Variants in KCNJ6 observed in about 807,000 individuals in gnomAD.
KCNJ6 encodes G protein-activated inward rectifier potassium channel 2.
In KCNJ6, 9 loss-of-function variants were observed where a neutral mutation model predicts 34.2. The observed-to-expected ratio is 0.26, with a 90% CI of 0.16 to 0.46. The LOEUF (loss-of-function observed/expected upper bound fraction) is 0.46, where lower values mean the gene tolerates loss of function less well. Ranked by LOEUF, KCNJ6 falls within the 20% of genes least tolerant of loss-of-function variation. KCNJ6 has a pLI of 1.00. For synonymous variants in KCNJ6, 196 were observed against 207.1 expected (o/e 0.95, Z 0.46); for missense variants, 236 against 531.3 (o/e 0.44, Z 5.46).
rs1188057945 is a variant in KCNJ6, at chr21:37,633,858, C to T, written c.947-8374G>A. On this transcript the variant is annotated intron_variant, in intron 3 of 3. Transcript: ENST00000609713. ...GTTCATGGATAGGATGATTAAACAT[C>T]CTAAAGATGTCAGTTTTTCCCAAGT... Among the ~76,000 whole-genome samples, 3 of 151,958 alleles carry T rather than the reference C, an allele frequency of 2.0e-5. No individual in the cohort carries two copies. In the East Asian group the frequency reaches 5.8e-4, roughly 29 times the overall value.
chr21:37,775,454 G>T (rs1468163708), intron 2 of KCNJ6, among the ~76,000 whole-genome samples: 1 of 152,124 alleles, frequency 6.6e-6, no homozygotes, highest in Non-Finnish European at 1.5e-5. Context: ...GTATTGCCTA[G>T]GTTTTCTTCT....
chr21:37,756,069 A>G (rs2055023017), intron 2 of KCNJ6, among the ~76,000 whole-genome samples: 1 of 152,196 alleles, frequency 6.6e-6, no homozygotes, highest in Non-Finnish European at 1.5e-5. Context: ...GGACGCTGAC[A>G]CAGCACCCTC....
At chr21:37,687,641 G>A (rs987420394) in intron 3 of KCNJ6, among the ~76,000 whole-genome samples, 6 of 152,136 alleles carry the variant, frequency 3.9e-5, no homozygotes, top group African/African-American at 1.4e-4. Flanking sequence ...CAATGTGCCT[G>A]TTTTATAGCA....
At chr21:37,882,042 G>A (rs369607857) in intron 1 of KCNJ6, among the ~76,000 whole-genome samples, 54 of 152,316 alleles carry the variant, frequency 3.5e-4, no homozygotes, top group African/African-American at 1.3e-3. Flanking sequence ...CCAAGCAGGG[G>A]CTGGCAGTTT....
chr21:37,747,042 G>A (rs79357737), intron 2 of KCNJ6, among the ~76,000 whole-genome samples: 3,551 of 152,238 alleles, frequency 0.023, 127 homozygotes, highest in African/African-American at 0.08. Context: ...AGCACTGTGT[G>A]AGCCCTGCTG....
At chr21:37,634,333 C>T (rs956090433) in intron 3 of KCNJ6, among the ~76,000 whole-genome samples, 4 of 152,110 alleles carry the variant, frequency 2.6e-5, no homozygotes, top group Non-Finnish European at 5.9e-5. Context: ...GCCATGTGAG[C>T]GTCATGCACC....
chr21:37,769,453 T>A (rs1227954917), intron 2 of KCNJ6, among the ~76,000 whole-genome samples: 3 of 150,710 alleles, frequency 2.0e-5, no homozygotes, highest in Non-Finnish European at 3.0e-5. Context: ...TTACTATATT[T>A]TTTTAGTAGC....
intron 3 of KCNJ6, among the ~76,000 whole-genome samples, chr21:37,643,256 G>A (rs1394977020): frequency 6.6e-6 from 1 of 152,112 alleles, no homozygotes; most frequent in African/African-American, 2.4e-5. Context: ...GCAGTCAAGT[G>A]GAAAAAACAG....
chr21:37,879,981 TG>T (rs1053474704), intron 1 of KCNJ6, among the ~76,000 whole-genome samples: 1 of 151,848 alleles, frequency 6.6e-6, no homozygotes, highest in Non-Finnish European at 1.5e-5. Flanking sequence ...AAATGTTGGC[TG>T]GGCATGGTGG....
chr21:37,667,954 T>C (rs11701030), intron 3 of KCNJ6, among the ~76,000 whole-genome samples: 61,287 of 151,880 alleles, frequency 0.4, 12,387 homozygotes, highest in Admixed American at 0.43. Flanking sequence ...CCAGAGCTCC[T>C]TGGAGCTTCT....
chr21:37,708,973 C>T (rs1358105166), intron 3 of KCNJ6, among the ~76,000 whole-genome samples: 1 of 152,120 alleles, frequency 6.6e-6, no homozygotes, highest in African/African-American at 2.4e-5. Flanking sequence ...GGAAATCAGA[C>T]CTGACAGAAC....
intron 2 of KCNJ6, among the ~76,000 whole-genome samples, chr21:37,820,168 C>T (rs2123553114): frequency 1.3e-5 from 2 of 152,246 alleles, no homozygotes; most frequent in Middle Eastern, 6.8e-3. Flanking sequence ...TTGTAACTCA[C>T]AGAAAATGTA....
At chr21:37,861,091 G>A (rs1296922075) in intron 1 of KCNJ6, among the ~76,000 whole-genome samples, 2 of 152,194 alleles carry the variant, frequency 1.3e-5, no homozygotes, top group African/African-American at 4.8e-5. Context: ...AGGCTGACAG[G>A]CAGGAGGTGA....
intron 2 of KCNJ6, among the ~76,000 whole-genome samples, chr21:37,724,470 G>A (rs1228181922): frequency 1.3e-5 from 2 of 152,160 alleles, no homozygotes; most frequent in African/African-American, 4.8e-5. Context: ...AAATGGCCAG[G>A]TGCTGAAATA....
chr21:37,886,883 T>G (rs2055738133), intron 1 of KCNJ6, among the ~76,000 whole-genome samples: 1 of 152,090 alleles, frequency 6.6e-6, no homozygotes, highest in Non-Finnish European at 1.5e-5. Context: ...GGAATGTTGA[T>G]TTAATTAGTT....
chr21:37,686,961 A>G (rs1269492094), intron 3 of KCNJ6, among the ~76,000 whole-genome samples: 1 of 152,146 alleles, frequency 6.6e-6, no homozygotes, highest in Non-Finnish European at 1.5e-5. Flanking sequence ...TCTTAAAGGC[A>G]GGCAAATTCA....
intron 2 of KCNJ6, among the ~76,000 whole-genome samples, chr21:37,727,087 T>A (rs1307612024): frequency 6.6e-6 from 1 of 152,132 alleles, no homozygotes; most frequent in Non-Finnish European, 1.5e-5. Context: ...ACTGCAGAGA[T>A]GTGGTCTCAA....
intron 3 of KCNJ6, among the ~76,000 whole-genome samples, chr21:37,684,787 G>T (rs2054605930): frequency 6.6e-6 from 1 of 152,194 alleles, no homozygotes; most frequent in Admixed American, 6.5e-5. Flanking sequence ...AGTCAGCGGG[G>T]TCAAAGATCT....
At chr21:37,877,329 A>G (rs1449874154) in intron 1 of KCNJ6, among the ~76,000 whole-genome samples, 1 of 152,200 alleles carries the variant, frequency 6.6e-6, no homozygotes, top group Non-Finnish European at 1.5e-5. Context: ...CATGAAATAC[A>G]CAGGTCAACA....
Sources: allele counts gnomAD v4.1 joint callset (sites outside exome capture counted in the v4.1 genomes callset), GRCh38; gene constraint gnomAD v4.1.1; transcripts MANE v1.5; gene names NCBI Gene and HGNC (gene_info 2026-07-23, HGNC 2026-07-21).